The following MYO16 variants were observed in gnomAD, a reference collection of about 807,000 sequenced individuals.
The protein encoded by MYO16 is myosin XVI, also known as unconventional myosin-XVI.
A neutral mutation model predicts 205.3 loss-of-function variants in MYO16; 94 were observed. That is an observed-to-expected ratio of 0.46 (90% CI 0.39 to 0.54). The LOEUF is 0.54. Among genes scored for constraint, MYO16 ranks in the 20% least tolerant of loss-of-function variants. MYO16 has a pLI of 0.00. For missense variants in MYO16, 2,315 were observed against 2,387.5 expected (o/e 0.97, Z 0.63); for synonymous variants, 988 against 954.0 (o/e 1.04, Z -0.66).
intron 31 of MYO16, among the ~76,000 whole-genome samples, chr13:109,137,382 T>C (rs1163426494): frequency 6.6e-6 from 1 of 152,246 alleles, no homozygotes; most frequent in Non-Finnish European, 1.5e-5. Flanking sequence ...GAAAATATTA[T>C]TGAAGCCAGC....
chr13:108,960,161 G>C (rs1594427399), intron 17 of MYO16, among the ~76,000 whole-genome samples: 1 of 151,238 alleles, frequency 6.6e-6, no homozygotes, highest in East Asian at 2.0e-4. Flanking sequence ...TGTAGTCCCA[G>C]CTACTCAAGA....
At chr13:108,733,928 C>T (rs1884606258) in intron 4 of MYO16, among the ~76,000 whole-genome samples, 1 of 152,128 alleles carries the variant, frequency 6.6e-6, no homozygotes, top group Non-Finnish European at 1.5e-5. Flanking sequence ...GAGATCGCGC[C>T]ATTGCACTCC....
At chr13:109,156,248 G>C (rs1243284681) in intron 32 of MYO16, among the ~76,000 whole-genome samples, 1 of 152,192 alleles carries the variant, frequency 6.6e-6, no homozygotes, top group Non-Finnish European at 1.5e-5. Context: ...TGCAAGCGCT[G>C]TCGAGCTGCG....
At chr13:108,564,792 A>C in the MYO16 span, among the ~76,000 whole-genome samples, 1 of 152,160 alleles carries the variant, frequency 6.6e-6, no homozygotes, top group East Asian at 1.9e-4. Context: ...GAGGTCTTAT[A>C]TTTAAGTCTT....
chr13:108,696,513 AATG>A (rs1883096057), intron 2 of MYO16, among the ~76,000 whole-genome samples: 1 of 152,178 alleles, frequency 6.6e-6, no homozygotes, highest in African/African-American at 2.4e-5. Flanking sequence ...TTTCTCTTTA[AATG>A]AAATTCCAGT....
the MYO16 span, among the ~76,000 whole-genome samples, chr13:108,550,454 C>A: frequency 6.6e-6 from 1 of 152,166 alleles, no homozygotes; most frequent in African/African-American, 2.4e-5. Flanking sequence ...GTCTTTTGTT[C>A]CTTAAAGAAA....
At chr13:108,699,462 A>G (rs1031923083) in intron 2 of MYO16, among the ~76,000 whole-genome samples, 1 of 152,158 alleles carries the variant, frequency 6.6e-6, no homozygotes, top group Non-Finnish European at 1.5e-5. Context: ...AGCATTTTAA[A>G]CTTACATAAC....
chr13:108,920,847 T>G (rs9559446), intron 16 of MYO16, among the ~76,000 whole-genome samples: 27,226 of 152,234 alleles, frequency 0.18, 2,759 homozygotes, highest in East Asian at 0.5. Context: ...TATGGAGATG[T>G]GAAAGAGGCT....
chr13:108,659,434 C>A, intron 1 of MYO16: 1 of 385,270 alleles, frequency 2.6e-6, no homozygotes, highest in Non-Finnish European at 5.1e-6. Flanking sequence ...TACGCACTCG[C>A]TGAGCAGGGG....
At chr13:108,810,230 T>C (rs1887246068) in intron 7 of MYO16, among the ~76,000 whole-genome samples, 1 of 152,246 alleles carries the variant, frequency 6.6e-6, no homozygotes, top group Non-Finnish European at 1.5e-5. Flanking sequence ...ATGTCTTTAC[T>C]ACTTTGTTCC....
At chr13:109,028,937 C>T (rs573742947) in intron 23 of MYO16, among the ~76,000 whole-genome samples, 91 of 151,622 alleles carry the variant, frequency 6.0e-4, no homozygotes, top group Non-Finnish European at 5.3e-4. Flanking sequence ...TTAAAAATAG[C>T]GTATCTCTAT....
At chr13:108,737,872 T>C (rs976688648) in intron 4 of MYO16, among the ~76,000 whole-genome samples, 3 of 152,230 alleles carry the variant, frequency 2.0e-5, no homozygotes, top group Admixed American at 6.5e-5. Flanking sequence ...TGGGAGAGTG[T>C]ATGTGTCCAG....
chr13:108,699,102 A>C (rs1377207651), intron 2 of MYO16, among the ~76,000 whole-genome samples: 35 of 149,054 alleles, frequency 2.3e-4, no homozygotes, highest in African/African-American at 4.9e-4. Context: ...CTCTCTATAT[A>C]TATATATATG....
intron 16 of MYO16, among the ~76,000 whole-genome samples, chr13:108,945,045 T>G (rs1034973199): frequency 2.6e-4 from 39 of 152,206 alleles, no homozygotes; most frequent in African/African-American, 9.2e-4. Flanking sequence ...GTTTCCAGAA[T>G]CCATCTTTTG....
At chr13:108,509,693 T>G in the MYO16 span, among the ~76,000 whole-genome samples, 24 of 152,324 alleles carry the variant, frequency 1.6e-4, no homozygotes, top group Middle Eastern at 3.4e-3. Context: ...ATATACCTAA[T>G]GTTAAATGAC....
chr13:108,710,141 T>C (rs1406900363), intron 2 of MYO16, among the ~76,000 whole-genome samples: 1 of 152,196 alleles, frequency 6.6e-6, no homozygotes, highest in African/African-American at 2.4e-5. Flanking sequence ...TCTGGAGCTC[T>C]CCCTTGCCAG....
intron 1 of MYO16, among the ~76,000 whole-genome samples, chr13:108,632,732 G>A (rs1449280404): frequency 6.6e-6 from 1 of 152,102 alleles, no homozygotes; most frequent in Non-Finnish European, 1.5e-5. Context: ...CATGTATCTT[G>A]GTAGCTGAGA....
At chr13:108,956,587 A>G (rs1883354987) in intron 16 of MYO16, among the ~76,000 whole-genome samples, 1 of 151,632 alleles carries the variant, frequency 6.6e-6, no homozygotes, top group African/African-American at 2.4e-5. Context: ...TGCTCATCTC[A>G]CCGTAGGCTC....
Position 109,207,034 on chromosome 13 carries a change from A to C in MYO16, c.*198A>C. 1 of 559,520 alleles carries C rather than the reference A, an allele frequency of 1.8e-6. No individual in the cohort carries two copies. The allele number at this position is 559,520 out of a possible 1,614,324, so 34.7% of individuals were successfully genotyped here. A position where few individuals can be genotyped will look rare whatever the true frequency, so the allele number is the denominator to read the frequency against. The stretch of plus-strand genomic sequence containing the variant: ...TGTGTGTGTGTGTGGGTTCTTTCTT[A>C]TCCATCTCGTGGTGATACACTCTGA... On this transcript the variant is annotated 3_prime_UTR_variant, in exon 35 of 35. Coordinates refer to ENST00000457511, the MANE Select transcript of MYO16 (RefSeq NM_001198950.3).
Sources: allele counts gnomAD v4.1 joint callset (sites outside exome capture counted in the v4.1 genomes callset), GRCh38; gene constraint gnomAD v4.1.1; transcripts MANE v1.5; gene names NCBI Gene and HGNC (gene_info 2026-07-23, HGNC 2026-07-21).